WDR54: variants seen among roughly 807,000 people sequenced by gnomAD.
WDR54 encodes WD repeat-containing protein 54.
WDR54 carries 44 observed loss-of-function variants against 44.1 expected under a neutral mutation model. That is an observed-to-expected ratio of 1.00 (90% confidence interval 0.78 to 1.28). The LOEUF (loss-of-function observed/expected upper bound fraction) is 1.28. Among genes scored for constraint, WDR54 ranks in the 50% most tolerant of loss-of-function variants. The pLI is 0.00. For missense variants in WDR54, 409 were observed against 429.7 expected, an observed-to-expected ratio of 0.95 and a Z score of 0.43; for synonymous variants, 169 against 169.8, an observed-to-expected ratio of 1.00 and a Z score of 0.04.
chr2:74,423,276 G>A (rs1670204995), intron 3 of WDR54, 43 bp from the exon 4 acceptor site: 5 of 1,605,644 alleles, frequency 3.1e-6, no homozygotes, highest in Non-Finnish European at 1.7e-6. Context: ...CTCAGCAGAG[G>A]TCAGTTGGGT....
intron 3 of WDR54, 171 bp from the exon 4 acceptor site, chr2:74,423,148 C>A: frequency 1.1e-6 from 1 of 887,384 alleles, no homozygotes. Flanking sequence ...TGTCCTTACA[C>A]TATTAACTTC....
Position 74,422,789 on chromosome 2 carries a change from T to TC in WDR54, c.223-76dup, listed in dbSNP as rs200949812. 2.9e-3 allele frequency: 2,317 copies of TC among 805,760 alleles called. 1 individual carries two copies. Among genetic ancestry groups the TC allele is most frequent in the Middle Eastern group, 3.8e-3 (12 of 3,164 alleles). 49.9% of individuals were successfully genotyped at this position (805,760 alleles called of 1,614,324 possible). ...GCCTGGGCCACAGAGCAAGACTCCG[T>TC]CCCCCAAAAAAAAAAAAAAAACAAA... On this transcript the variant is annotated intron_variant, in intron 2 of 9. Coordinates refer to ENST00000348227, the MANE Select transcript of WDR54 (RefSeq NM_032118.4).
rs934463682 is a variant in WDR54, at chr2:74,422,596, C to T, written c.222+221C>T. ...CTTGAGGCCAGGAGTTCGAGACCAG[C>T]CTGGCCAACATGGTGAAACCTCTTC... On this transcript the variant is annotated intron_variant, in intron 2 of 9. Transcript: ENST00000348227. The T allele has an allele frequency of 1.4e-5, 9 of 629,130 alleles. No homozygotes were observed. In the East Asian group the frequency reaches 2.5e-4, roughly 17 times the overall value. The allele number at this position is 629,130 out of a possible 1,614,324, so 39.0% of individuals were successfully genotyped here. A position where few individuals can be genotyped will look rare whatever the true frequency, so the allele number is the denominator to read the frequency against.
In WDR54 at chr2:74,421,829, A is replaced by G. The variant is rs999229276; in HGVS notation, c.-2+13A>G. The G allele has an allele frequency of 3.0e-6, 2 of 662,336 alleles. No individual in the cohort carries two copies. Among genetic ancestry groups the G allele is most frequent in the Non-Finnish European group, 5.5e-6 (2 of 362,000 alleles). The allele number at this position is 662,336 out of a possible 1,614,324, so 41.0% of individuals were successfully genotyped here. On this transcript the variant is annotated intron_variant, in intron 1 of 9. Coordinates refer to ENST00000348227, the MANE Select transcript of WDR54 (RefSeq NM_032118.4). Reference sequence around the variant, plus strand: ...TCTGGGGCTGCAGGTGTTACCTCTGATCTAGGCCGGGGGCTTCAGGGATCC... The same window carrying G: ...TCTGGGGCTGCAGGTGTTACCTCTGGTCTAGGCCGGGGGCTTCAGGGATCC...
chr2:74,422,954 T>G (rs1198519737), intron 3 of WDR54, 22 bp downstream of exon 3: 12 of 1,613,626 alleles, frequency 7.4e-6, no homozygotes, highest in Non-Finnish European at 8.5e-6. Flanking sequence ...ACTCTCCTGC[T>G]TGCCCCACCA....
chr2:74,422,417 TA>T, intron 2 of WDR54, 42 bp downstream of exon 2: 1 of 1,571,880 alleles, frequency 6.4e-7, no homozygotes, highest in Non-Finnish European at 8.7e-7. Context: ...AACCCAGTCC[TA>T]CCCCCAGCCT....
Position 74,423,980 on chromosome 2 carries a change from C to T in WDR54, c.532C>T (p.Gln178Ter). ...CATTGCCACCGAGCCTGCCCAGGGA[C>T]AGGTGAGTGGACTTCCCCTACCCAT... ...TDIATEPAQG[Q>*]DCVADMVTAD... The change falls in exon 6 of 10, where the codon CAG (glutamine) becomes TAG (stop). Residue 178 changes from glutamine (Q) to a stop codon, truncating the protein, a stop_gained and splice_region_variant. Coordinates refer to ENST00000348227, the MANE Select transcript of WDR54 (RefSeq NM_032118.4). LOFTEE classifies it high-confidence loss of function. 2 of 1,614,094 alleles carry T rather than the reference C, an allele frequency of 1.2e-6. No homozygotes were observed. The highest frequency in any genetic ancestry group is 1.7e-6 in the Non-Finnish European group (2 of 1,179,998).
chr2:74,423,602 G>T, intron 5 of WDR54, 71 bp downstream of exon 5: 2 of 1,579,884 alleles, frequency 1.3e-6, no homozygotes, highest in Non-Finnish European at 8.7e-7. Context: ...AATAATGAGG[G>T]CCTGAGGAAA....
In WDR54 at chr2:74,425,502, T is replaced by C. The variant is rs13383283; in HGVS notation, c.873+11T>C. ...AGTGGCTACATTGAGGTATGTGTCA[T>C]GGGGTGGGTGGAATGGGGGGGCCCA... On this transcript the variant is annotated intron_variant, in intron 9 of 9. Coordinates refer to ENST00000348227, the MANE Select transcript of WDR54 (RefSeq NM_032118.4). The C allele has an allele frequency of 1.9e-6, 3 of 1,614,060 alleles. No individual in the cohort carries two copies. Among genetic ancestry groups the C allele is most frequent in the East Asian group, 4.5e-5 (2 of 44,880 alleles).
rs201455032 is a variant in WDR54 at position 74,423,341 on chromosome 2, C to T, written c.308C>T (p.Thr103Ile). The T allele has an allele frequency of 6.2e-6, 10 of 1,613,868 alleles. No individual in the cohort carries two copies. The highest frequency in any genetic ancestry group is 2.2e-5 in the South Asian group (2 of 91,074). The change falls in exon 4 of 10, where the codon ACC becomes ATC. Residue 103 changes from threonine (T) to isoleucine (I), a missense_variant. Transcript: ENST00000348227. The part of the protein sequence containing the change: ...GIQMYESNGY[T>I]MVYWHALDSG... Reference sequence around the variant, plus strand: ...CAGATGTACGAGTCCAATGGCTACACCATGGTCTACTGGCATGCACTGGAC... The same window carrying T: ...CAGATGTACGAGTCCAATGGCTACATCATGGTCTACTGGCATGCACTGGAC...
At position 74,425,751 on chromosome 2, in the gene WDR54, A is replaced by AC. The variant is rs1193043925; in HGVS notation, c.*53dup. On this transcript the variant is annotated 3_prime_UTR_variant, in exon 10 of 10. Transcript: ENST00000348227. ...GTGGTATTCATAAAGTACCCGCTCC[A>AC]CCCAGCCTTTGTCTGATTACTCAGT... The AC allele has an allele frequency of 1.2e-6, 2 of 1,612,036 alleles. No individual in the cohort carries two copies. The highest frequency in any genetic ancestry group is 4.5e-5 in the East Asian group (2 of 44,840).
chr2:74,423,853 A>T lies in WDR54; in HGVS notation c.407-2A>T. The T allele has an allele frequency of 1.2e-6, 2 of 1,614,012 alleles. No individual in the cohort carries two copies. Among genetic ancestry groups the T allele is most frequent in the Non-Finnish European group, 1.7e-6 (2 of 1,179,914 alleles). ...TCACTGGAGTACTGGTTCTGGATAC[A>T]GGAACGTGGTCAGGCCGGGTGCTGG... On this transcript the variant is annotated splice_acceptor_variant, in intron 5 of 9. Coordinates refer to ENST00000348227, the MANE Select transcript of WDR54 (RefSeq NM_032118.4). LOFTEE classifies it high-confidence loss of function.
chr2:74,422,513 T>G (rs1268212686), intron 2 of WDR54, 138 bp downstream of exon 2: 2 of 1,104,634 alleles, frequency 1.8e-6, no homozygotes, highest in African/African-American at 1.6e-5. Context: ...TCCCCTCTCC[T>G]GCCGGGCGCG....
At chr2:74,424,778 G>C in intron 6 of WDR54, 97 bp from the exon 7 acceptor site, 1 of 1,496,936 alleles carries the variant, frequency 6.7e-7, no homozygotes, top group Non-Finnish European at 9.3e-7. Flanking sequence ...TCCCTGGAGA[G>C]GCAAAGATGC....
In WDR54 at chr2:74,422,308, T is replaced by G; in HGVS notation, c.155T>G (p.Val52Gly). ...CTTCTCAGCGCTGCTCCTGAGGGTG[T>G]GCCCTTGGCCCAGCGCCAGCTCCAC... Reference protein sequence around the residue: ...AQLLSAAPEGVPLAQRQLHAK... With the variant: ...AQLLSAAPEGGPLAQRQLHAK... The change falls in exon 2 of 10, where the codon GTG becomes GGG. Residue 52 changes from valine (V) to glycine (G), a missense_variant. Physicochemically the swap from Val to Gly is moderately radical, Grantham distance 109 (BLOSUM62 -3). Transcript: ENST00000348227. 1 of 1,614,184 alleles carries G rather than the reference T, an allele frequency of 6.2e-7. No homozygotes were observed. The highest frequency in any genetic ancestry group is 8.5e-7 in the Non-Finnish European group (1 of 1,180,028).
At chr2:74,424,713 T>A (rs1262043053) in intron 6 of WDR54, among the ~76,000 whole-genome samples, 162 bp from the exon 7 acceptor site, 1 of 152,054 alleles carries the variant, frequency 6.6e-6, no homozygotes, top group Non-Finnish European at 1.5e-5. Flanking sequence ...GGAACCCTGG[T>A]GGTAGGGGTG....
intron 5 of WDR54, 132 bp from the exon 6 acceptor site, chr2:74,423,723 G>A (rs192233828): frequency 1.4e-6 from 2 of 1,464,492 alleles, no homozygotes; most frequent in East Asian, 2.3e-5. Context: ...GTGAATGAAG[G>A]GGCATGGCCG....
chr2:74,424,756 C>A, intron 6 of WDR54, 119 bp from the exon 7 acceptor site: 2 of 1,274,432 alleles, frequency 1.6e-6, no homozygotes, highest in Non-Finnish European at 2.3e-6. Context: ...GAGAGCTCCA[C>A]ACCTTGCCCT....
chr2:74,421,824 C>T lies in WDR54; in HGVS notation c.-2+8C>T, dbSNP rs1244590441. ...GCCGATCTGGGGCTGCAGGTGTTACCTCTGATCTAGGCCGGGGGCTTCAGG... is the reference window on the plus strand; with the variant it reads ...GCCGATCTGGGGCTGCAGGTGTTACTTCTGATCTAGGCCGGGGGCTTCAGG... On this transcript the variant is annotated splice_region_variant and intron_variant, in intron 1 of 9. Coordinates refer to ENST00000348227, the MANE Select transcript of WDR54 (RefSeq NM_032118.4). 2 of 669,086 alleles carry T rather than the reference C, an allele frequency of 3.0e-6. No homozygotes were observed. Among genetic ancestry groups the T allele is most frequent in the African/African-American group, 1.8e-5 (1 of 55,080 alleles). 41.4% of individuals were successfully genotyped at this position (669,086 alleles called of 1,614,324 possible).
Sources: allele counts gnomAD v4.1 joint callset (sites outside exome capture counted in the v4.1 genomes callset), GRCh38; gene constraint gnomAD v4.1.1; transcripts MANE v1.5; gene names NCBI Gene and HGNC (gene_info 2026-07-23, HGNC 2026-07-21).